Variants in ASAP2 observed in about 807,000 individuals in gnomAD.
ASAP2 encodes the protein arf-GAP with SH3 domain, ANK repeat and PH domain-containing protein 2.
In ASAP2, 45 loss-of-function variants were observed where a neutral mutation model predicts 131.4. That is an observed-to-expected ratio of 0.34 (90% CI 0.27 to 0.44). ASAP2 has a LOEUF of 0.44. Among genes scored for constraint, ASAP2 ranks in the 20% least tolerant of loss-of-function variants. ASAP2 has a pLI of 1.00. For missense variants in ASAP2, 1,011 were observed against 1,297.0 expected, an observed-to-expected ratio of 0.78 and a Z score of 3.39; for synonymous variants, 510 against 503.0, an observed-to-expected ratio of 1.01 and a Z score of -0.19.
chr2:9,321,723 T>A (rs1438593652), intron 5 of ASAP2, among the ~76,000 whole-genome samples: 4 of 151,728 alleles, frequency 2.6e-5, no homozygotes, highest in African/African-American at 9.7e-5. Flanking sequence ...CCTGAGAGAG[T>A]CATCTGGTTC....
At chr2:9,310,199 A>C (rs1669210316) in intron 3 of ASAP2, among the ~76,000 whole-genome samples, 1 of 152,248 alleles carries the variant, frequency 6.6e-6, no homozygotes, top group African/African-American at 2.4e-5. Flanking sequence ...ATGACTGAGC[A>C]GCATTTGCTC....
At chr2:9,280,155 G>C (rs1395769667) in intron 2 of ASAP2, among the ~76,000 whole-genome samples, 1 of 152,186 alleles carries the variant, frequency 6.6e-6, no homozygotes, top group Non-Finnish European at 1.5e-5. Flanking sequence ...TTGGGTGACA[G>C]GGTGGGAGGA....
chr2:9,248,097 G>A (rs960162852), intron 1 of ASAP2, among the ~76,000 whole-genome samples: 34 of 152,302 alleles, frequency 2.2e-4, no homozygotes, highest in African/African-American at 7.7e-4. Flanking sequence ...GGTGGCTGAT[G>A]GAAGGGGGGC....
intron 1 of ASAP2, among the ~76,000 whole-genome samples, chr2:9,270,717 C>T (rs1171869538): frequency 6.6e-6 from 1 of 151,264 alleles, no homozygotes; most frequent in Admixed American, 6.6e-5. Context: ...CACTTCCACC[C>T]CACCTACCCT....
intron 24 of ASAP2, among the ~76,000 whole-genome samples, chr2:9,394,322 G>A (rs1024709836): frequency 2.0e-5 from 3 of 151,834 alleles, no homozygotes; most frequent in Non-Finnish European, 4.4e-5. Flanking sequence ...CTCCCACCAC[G>A]CCTGGCTAAT....
intron 2 of ASAP2, among the ~76,000 whole-genome samples, chr2:9,291,505 C>T (rs1289892358): frequency 1.3e-5 from 2 of 152,154 alleles, no homozygotes; most frequent in African/African-American, 4.8e-5. Flanking sequence ...GAAATGGTCT[C>T]CACTGTGCAG....
intron 1 of ASAP2, among the ~76,000 whole-genome samples, chr2:9,262,848 T>C (rs558436849): frequency 1.3e-5 from 2 of 152,296 alleles, no homozygotes; most frequent in East Asian, 3.9e-4. Flanking sequence ...GCCTCAGGAA[T>C]CAAAGTCCTC....
chr2:9,302,664 G>T (rs1668575931), intron 3 of ASAP2, among the ~76,000 whole-genome samples: 1 of 151,990 alleles, frequency 6.6e-6, no homozygotes, highest in Non-Finnish European at 1.5e-5. Context: ...TAGTACAGAC[G>T]GGGTTTCTCC....
In ASAP2 at chr2:9,279,369, C is replaced by G; in HGVS notation, c.179C>G (p.Ala60Gly). 3 of 1,614,070 alleles carry G rather than the reference C, an allele frequency of 1.9e-6. No homozygotes were observed. The highest frequency in any genetic ancestry group is 2.5e-6 in the Non-Finnish European group (3 of 1,179,950). ...VLYKMKKSVK[A>G]INSSGLAHVE... ...TACAAAATGAAGAAATCCGTGAAAG[C>G]AATCAACAGCTCTGGGCTGGGTGAG... is the stretch of plus-strand genomic sequence containing the variant. The change falls in exon 2 of 28, where the codon GCA becomes GGA. Residue 60 changes from alanine (A) to glycine (G), a missense_variant. Ala to Gly is a moderately conservative substitution (Grantham distance 60). Coordinates refer to ENST00000281419, the MANE Select transcript of ASAP2 (RefSeq NM_003887.3).
chr2:9,254,593 C>T (rs1471896009), intron 1 of ASAP2, among the ~76,000 whole-genome samples: 1 of 137,188 alleles, frequency 7.3e-6, no homozygotes, highest in Admixed American at 8.1e-5. Flanking sequence ...AGGCTGGTCT[C>T]GAACTCCTGA....
chr2:9,337,523 T>G (rs1671289628), intron 9 of ASAP2, among the ~76,000 whole-genome samples: 1 of 152,118 alleles, frequency 6.6e-6, no homozygotes, highest in Non-Finnish European at 1.5e-5. Flanking sequence ...TATTCAGTGT[T>G]ATAAAAATTC....
chr2:9,267,687 G>A (rs1325440865), intron 1 of ASAP2, among the ~76,000 whole-genome samples: 4 of 151,796 alleles, frequency 2.6e-5, no homozygotes, highest in Non-Finnish European at 4.4e-5. Flanking sequence ...ACTTGAGGCC[G>A]GGAGTTCGAG....
rs1280844853 is a variant in ASAP2, at chr2:9,217,241, G to A, written c.126+10011G>A. On this transcript the variant is annotated intron_variant, in intron 1 of 27. Transcript: ENST00000281419. This position sits in a 1 kb window ranked among gnomAD's most constrained non-coding sequence, Gnocchi z 4.0. Reference sequence around the variant, plus strand: ...TTGCAGCTATTGCATTGCTCGAGTGGGTGCTTCTGGCAAATCCTTGTTGCT... The same window carrying A: ...TTGCAGCTATTGCATTGCTCGAGTGAGTGCTTCTGGCAAATCCTTGTTGCT... Among the ~76,000 whole-genome samples, 1 of 152,134 alleles carries A rather than the reference G, an allele frequency of 6.6e-6. No homozygotes were observed. The highest frequency in any genetic ancestry group is 6.5e-5 in the Admixed American group (1 of 15,284).
Position 9,395,594 on chromosome 2 carries a change from C to CTT in ASAP2, c.2684+1977_2684+1978dup. The stretch of plus-strand genomic sequence containing the variant: ...GTTTTGTTTTTCTTGTGTTTTTTTT[C>CTT]TTTTTTTTTTTTTTTTTTTTTTTTT... On this transcript the variant is annotated intron_variant, in intron 24 of 27. Transcript: ENST00000281419. Among the ~76,000 whole-genome samples the CTT allele has an allele frequency of 5.6e-3, 330 of 59,016 alleles. 83 individuals are homozygous for CTT. The highest frequency in any genetic ancestry group is 9.6e-3 in the Non-Finnish European group (264 of 27,414). 38.7% of individuals were successfully genotyped at this position (59,016 alleles called of 152,430 possible).
chr2:9,327,718 T>G, intron 6 of ASAP2, 108 bp from the exon 7 acceptor site: 1 of 749,470 alleles, frequency 1.3e-6, no homozygotes, highest in South Asian at 1.8e-5. Context: ...ACTCTACGCA[T>G]TGTAAAAGAT....
At position 9,404,306 on chromosome 2, in the gene ASAP2, A is replaced by T. The variant is rs1677005251; in HGVS notation, c.*979A>T. On this transcript the variant is annotated 3_prime_UTR_variant, in exon 28 of 28. Coordinates refer to ENST00000281419, the MANE Select transcript of ASAP2 (RefSeq NM_003887.3). ...TAATACTCCAACAGGAATGGTAGTC[A>T]CACTGTCTTGAAATTGAATCTGTCC... 6.6e-6 allele frequency: 1 copy of T among 152,238 alleles called. No individual in the cohort carries two copies. Among genetic ancestry groups the T allele is most frequent in the Admixed American group, 6.5e-5 (1 of 15,288 alleles). The allele number at this position is 152,238 out of a possible 1,614,324, so 9.4% of individuals were successfully genotyped here.
chr2:9,224,154 A>C (rs1022030106), intron 1 of ASAP2, among the ~76,000 whole-genome samples: 3 of 152,164 alleles, frequency 2.0e-5, no homozygotes, highest in Admixed American at 2.0e-4. Context: ...ATGTGAGGAC[A>C]ACCATTGCTG....
At chr2:9,354,453 T>C (rs1672555181) in intron 12 of ASAP2, among the ~76,000 whole-genome samples, 2 of 152,172 alleles carry the variant, frequency 1.3e-5, no homozygotes, top group Admixed American at 6.5e-5. Context: ...GTTTGCCTCC[T>C]GCTTGTGCAG....
intron 1 of ASAP2, among the ~76,000 whole-genome samples, chr2:9,278,964 A>G (rs1342892187): frequency 6.6e-6 from 1 of 152,118 alleles, no homozygotes; most frequent in Non-Finnish European, 1.5e-5. Context: ...CCTTGCTGGT[A>G]ACCAAGGAGA....
Sources: allele counts gnomAD v4.1 joint callset (sites outside exome capture counted in the v4.1 genomes callset), GRCh38; gene constraint gnomAD v4.1.1; non-coding constraint Gnocchi (gnomAD v3.1); transcripts MANE v1.5; gene names NCBI Gene and HGNC (gene_info 2026-07-23, HGNC 2026-07-21).